Variants in SATB1 observed in about 807,000 individuals in gnomAD.
SATB1 encodes SATB homeobox 1.
Under a neutral mutation model 86.9 loss-of-function variants are expected in SATB1, and 11 were observed. That is an observed-to-expected ratio of 0.13 (90% CI 0.08 to 0.21). The LOEUF (loss-of-function observed/expected upper bound fraction) is 0.21. Ranked by LOEUF, SATB1 falls within the 10% of genes least tolerant of loss-of-function variation. The pLI is 1.00. For synonymous variants in SATB1, 357 were observed against 357.2 expected (o/e 1.00, Z 0.01); for missense variants, 551 against 937.6 (o/e 0.59, Z 5.39).
intron 5 of SATB1, among the ~76,000 whole-genome samples, chr3:18,407,053 AT>A (rs746577077): frequency 1.2e-4 from 19 of 152,072 alleles, no homozygotes; most frequent in Non-Finnish European, 2.4e-4. Context: ...AATGTGGCAA[AT>A]GCTACGATGG....
intron 7 of SATB1, among the ~76,000 whole-genome samples, chr3:18,393,218 T>C (rs9873669): frequency 0.85 from 129,635 of 152,082 alleles, 55,403 homozygotes; most frequent in East Asian, 0.93. Context: ...GTGAGTCAGG[T>C]CAAAAAATAA....
chr3:18,369,048 A>G (rs1391135510), intron 9 of SATB1, among the ~76,000 whole-genome samples: 1 of 152,102 alleles, frequency 6.6e-6, no homozygotes, highest in Non-Finnish European at 1.5e-5. Flanking sequence ...TGCCTTTCAA[A>G]TCAATTACAC....
intron 4 of SATB1, among the ~76,000 whole-genome samples, chr3:18,415,597 A>T (rs575635560): frequency 1.1e-4 from 16 of 152,224 alleles, no homozygotes; most frequent in East Asian, 1.9e-4. Flanking sequence ...AAATCATAAA[A>T]AAATAAATAA....
At chr3:18,354,681 A>G (rs1694541895) in intron 9 of SATB1, among the ~76,000 whole-genome samples, 1 of 152,182 alleles carries the variant, frequency 6.6e-6, no homozygotes, top group Non-Finnish European at 1.5e-5. Context: ...TTTTTAAAGT[A>G]ATGCAGAGAT....
At position 18,346,350 on chromosome 3, in the gene SATB1, C is replaced by G. The variant is rs368665497; in HGVS notation, c.*2820G>C. On this transcript the variant is annotated 3_prime_UTR_variant, in exon 11 of 11. Transcript: ENST00000338745. ...CTGCTAAGGTCTTAACAGCACAAAA[C>G]GCTATGTCATGCCCAGCTTTTAAAA... The G allele has an allele frequency of 6.6e-6, 1 of 152,062 alleles. No homozygotes were observed. Among genetic ancestry groups the G allele is most frequent in the Non-Finnish European group, 1.5e-5 (1 of 67,996 alleles). 9.4% of individuals were successfully genotyped at this position (152,062 alleles called of 1,614,324 possible).
intron 8 of SATB1, 62 bp from the exon 9 acceptor site, chr3:18,378,387 A>C (rs1695870764): frequency 6.5e-7 from 1 of 1,537,202 alleles, no homozygotes. Context: ...GAAGCTTCTC[A>C]GGCTCAGCAT....
chr3:18,439,735 A>G (rs1035754920), upstream of SATB1, among the ~76,000 whole-genome samples: 5 of 152,206 alleles, frequency 3.3e-5, no homozygotes, highest in Non-Finnish European at 5.9e-5. Context: ...GTTAAGTGTA[A>G]CCGCTTTTTA....
chr3:18,423,229 T>C (rs1033341221), intron 1 of SATB1, among the ~76,000 whole-genome samples: 4 of 152,156 alleles, frequency 2.6e-5, no homozygotes, highest in Non-Finnish European at 4.4e-5. Flanking sequence ...CAATGTCTGG[T>C]TGCCACACAG....
At position 18,420,701 on chromosome 3, in the gene SATB1, C is replaced by G. The variant is rs1698341347; in HGVS notation, c.211+56G>C. On this transcript the variant is annotated intron_variant, in intron 2 of 10. Transcript: ENST00000338745. ...GCCACTCCACCCCCACACAGTGTGG[C>G]CTTGTGTAGACAACAGGGCTTTCAG... The G allele has an allele frequency of 2.8e-6, 4 of 1,424,880 alleles. No individual in the cohort carries two copies. In the East Asian group the frequency reaches 9.1e-5, roughly 32 times the overall value. 88.3% of individuals were successfully genotyped at this position (1,424,880 alleles called of 1,614,324 possible). A position where few individuals can be genotyped will look rare whatever the true frequency, so the allele number is the denominator to read the frequency against.
At chr3:18,435,582 C>A (rs1295295307) in intron 2 of SATB1, among the ~76,000 whole-genome samples, 1 of 152,084 alleles carries the variant, frequency 6.6e-6, no homozygotes, top group African/African-American at 2.4e-5. Flanking sequence ...GTATGTCTAC[C>A]TTATGTCCCT....
chr3:18,351,866 G>T, intron 10 of SATB1, 126 bp downstream of exon 10: 4 of 817,516 alleles, frequency 4.9e-6, no homozygotes, highest in Non-Finnish European at 8.2e-6. Context: ...AGATGGCAGT[G>T]TATTGTTATC....
Position 18,372,676 on chromosome 3 carries a change from T to C in SATB1, c.1575+5494A>G, listed in dbSNP as rs567027046. On this transcript the variant is annotated intron_variant, in intron 9 of 10. Transcript: ENST00000338745. ...AAAGAAGGCATATTCAGATCCACAA[T>C]TAGCTCTTAAAAAATCATACACAAT... 5.3e-5 allele frequency among the ~76,000 whole-genome samples: 8 copies of C among 152,302 alleles called. No homozygotes were observed. In the South Asian group the frequency reaches 1.5e-3, roughly 28 times the overall value.
chr3:18,380,900 CT>C (rs1702835686), intron 8 of SATB1, among the ~76,000 whole-genome samples: 1 of 152,150 alleles, frequency 6.6e-6, no homozygotes, highest in African/African-American at 2.4e-5. Flanking sequence ...CCTGGTTTAG[CT>C]TTTAATATTA....
chr3:18,411,309 T>C (rs1007667469), intron 5 of SATB1, among the ~76,000 whole-genome samples: 12 of 152,166 alleles, frequency 7.9e-5, no homozygotes, highest in African/African-American at 2.9e-4. Flanking sequence ...CCCACATGTG[T>C]GGTGAAAGAG....
chr3:18,437,898 T>C (rs539019159), intron 1 of SATB1, among the ~76,000 whole-genome samples: 66 of 152,224 alleles, frequency 4.3e-4, no homozygotes, highest in African/African-American at 1.4e-3. Flanking sequence ...TGATAAAATA[T>C]TTTCTGGGGG....
intron 9 of SATB1, among the ~76,000 whole-genome samples, chr3:18,371,287 T>C (rs1695468523): frequency 6.6e-6 from 1 of 152,160 alleles, no homozygotes. Flanking sequence ...AATTTGACAA[T>C]TGTATGCTGA....
chr3:18,389,571 AT>A (rs550806226), intron 7 of SATB1, among the ~76,000 whole-genome samples: 1 of 152,062 alleles, frequency 6.6e-6, no homozygotes, highest in Non-Finnish European at 1.5e-5. Flanking sequence ...TGCCAAGGTC[AT>A]TTGTAGTACT....
Position 18,392,996 on chromosome 3 carries a change from G to A in SATB1, c.1206+1466C>T, listed in dbSNP as rs189527636. 2.1e-3 allele frequency among the ~76,000 whole-genome samples: 312 copies of A among 147,478 alleles called. 1 individual carries two copies. Among genetic ancestry groups the A allele is most frequent in the African/African-American group, 7.3e-3 (294 of 40,208 alleles). ...ACAAAAAAAAAAAAAAAGATGAATC[G>A]ACTGAAAACAAACACTGAATTAGAG... On this transcript the variant is annotated intron_variant, in intron 7 of 10. Transcript: ENST00000338745.
At chr3:18,399,196 A>G (rs1217095000) in intron 5 of SATB1, among the ~76,000 whole-genome samples, 1 of 152,144 alleles carries the variant, frequency 6.6e-6, no homozygotes, top group Non-Finnish European at 1.5e-5. Flanking sequence ...TTTTTGACAA[A>G]CATCCAGTCT....
Sources: gnomAD v4.1 joint callset for allele counts (sites outside exome capture counted in the v4.1 genomes callset) on GRCh38, gnomAD v4.1.1 for gene constraint, MANE v1.5 for transcripts, NCBI Gene and HGNC (gene_info 2026-07-23, HGNC 2026-07-21) for gene names.